The following SLC24A2 variants were observed in gnomAD, a reference collection of about 807,000 sequenced individuals.
The protein encoded by SLC24A2 is sodium/potassium/calcium exchanger 2.
Under a neutral mutation model 62.0 loss-of-function variants are expected in SLC24A2, and 36 were observed. The ratio of observed to expected loss-of-function variants is 0.58; its 90% CI spans 0.44 to 0.77. The LOEUF is 0.77. Among genes scored for constraint, SLC24A2 ranks in the 30% least tolerant of loss-of-function variants. SLC24A2 has a pLI of 0.00. For missense variants in SLC24A2, 846 were observed against 817.9 expected, an observed-to-expected ratio of 1.03 and a Z score of -0.42; for synonymous variants, 358 against 294.0, an observed-to-expected ratio of 1.22 and a Z score of -2.23.
rs763528419 is a variant in SLC24A2, at chr9:19,528,109, G to C, written c.1509C>G (p.Phe503Leu). 1 of 1,596,180 alleles carries C rather than the reference G, an allele frequency of 6.3e-7. No homozygotes were observed. The highest frequency in any genetic ancestry group is 1.7e-5 in the Admixed American group (1 of 57,684). ...PSSRKFFPIT[F>L]FGSITWIAVF... is the part of the protein sequence containing the mutation. ...CTGCAATCCAGGTAATGGAGCCAAA[G>C]AACGTGATGGGAAAAAACTTCCTCG... The change falls in exon 9 of 11, where the codon TTC becomes TTG. Residue 503 changes from phenylalanine to leucine, a missense_variant. Phe to Leu is a conservative substitution (Grantham distance 22, BLOSUM62 0). Transcript: ENST00000341998.
the SLC24A2 span, among the ~76,000 whole-genome samples, chr9:19,910,206 T>G: frequency 6.6e-6 from 1 of 152,112 alleles, no homozygotes; most frequent in East Asian, 1.9e-4. Context: ...CTTAAATTAG[T>G]GCCATCCTAT....
the SLC24A2 span, among the ~76,000 whole-genome samples, chr9:19,908,162 G>A: frequency 6.6e-6 from 1 of 152,270 alleles, no homozygotes; most frequent in South Asian, 2.1e-4. Flanking sequence ...GCAGAACAGA[G>A]CCCTCAGAAA....
At chr9:20,286,817 C>T in the SLC24A2 span, among the ~76,000 whole-genome samples, 3 of 152,180 alleles carry the variant, frequency 2.0e-5, no homozygotes, top group African/African-American at 4.8e-5. Flanking sequence ...GGATGCACTA[C>T]AGAGGAGGCC....
At chr9:19,939,002 A>G in the SLC24A2 span, among the ~76,000 whole-genome samples, 2 of 152,274 alleles carry the variant, frequency 1.3e-5, no homozygotes, top group African/African-American at 4.8e-5. Flanking sequence ...GGAAAAACTC[A>G]TAAGGTATCT....
chr9:20,297,774 AC>A, the SLC24A2 span, among the ~76,000 whole-genome samples: 3 of 152,032 alleles, frequency 2.0e-5, no homozygotes, highest in Admixed American at 6.5e-5. Context: ...TCCCAACCAA[AC>A]CTTTTTAGGT....
At chr9:20,287,144 A>G in the SLC24A2 span, among the ~76,000 whole-genome samples, 1 of 152,330 alleles carries the variant, frequency 6.6e-6, no homozygotes, top group South Asian at 2.1e-4. Flanking sequence ...ACCTGTATAA[A>G]TAAGCACAAA....
intron 3 of SLC24A2, 135 bp from the exon 4 acceptor site, chr9:19,619,827 A>G: frequency 1.4e-6 from 1 of 727,196 alleles, no homozygotes. Context: ...AGATTTTCAA[A>G]GCACATTTCA....
intron 2 of SLC24A2, among the ~76,000 whole-genome samples, chr9:19,746,837 G>C (rs1350496806): frequency 6.6e-6 from 1 of 152,094 alleles, no homozygotes; most frequent in Non-Finnish European, 1.5e-5. Flanking sequence ...CTTTGCAAAA[G>C]TGTTTTGAGT....
intron 2 of SLC24A2, chr9:19,705,338 G>T: frequency 6.5e-6 from 1 of 154,976 alleles, no homozygotes; most frequent in South Asian, 1.9e-4. Context: ...GTCCCAAACA[G>T]AACTGAAGAA....
rs1432045836 is a variant in SLC24A2 at position 19,734,746 on chromosome 9, T to A, written c.930+51191A>T. Among the ~76,000 whole-genome samples the A allele has an allele frequency of 2.0e-5, 3 of 151,962 alleles. No homozygotes were observed. In the East Asian group the frequency reaches 5.8e-4, roughly 30 times the overall value. ...ACATTGATTTTGTATCCCGAGACTTTGCTGAAGTTGCCTATCAGCTTAAGG... is the reference window on the plus strand; with the variant it reads ...ACATTGATTTTGTATCCCGAGACTTAGCTGAAGTTGCCTATCAGCTTAAGG... On this transcript the variant is annotated intron_variant, in intron 2 of 10. Coordinates refer to ENST00000341998, the MANE Select transcript of SLC24A2 (RefSeq NM_020344.4).
chr9:19,541,743 G>A (rs1834269083), intron 8 of SLC24A2, among the ~76,000 whole-genome samples: 1 of 148,886 alleles, frequency 6.7e-6, no homozygotes, highest in Non-Finnish European at 1.5e-5. Flanking sequence ...CCCAGTTCGA[G>A]CTTCCCGGCT....
intron 8 of SLC24A2, among the ~76,000 whole-genome samples, chr9:19,535,478 G>A (rs556312229): frequency 6.6e-5 from 10 of 152,182 alleles, no homozygotes; most frequent in African/African-American, 1.7e-4. Context: ...GGATTTTTAC[G>A]GTTTTAGGTC....
At chr9:19,860,310 C>T in the SLC24A2 span, among the ~76,000 whole-genome samples, 10 of 152,126 alleles carry the variant, frequency 6.6e-5, no homozygotes, top group Admixed American at 2.0e-4. Flanking sequence ...TTTCCAGGCC[C>T]TATCTCCCAG....
At chr9:19,557,918 C>A (rs1324657614) in intron 7 of SLC24A2, among the ~76,000 whole-genome samples, 3 of 151,712 alleles carry the variant, frequency 2.0e-5, no homozygotes, top group Admixed American at 2.0e-4. Context: ...TCCCTGGGCT[C>A]AAGCAATCCT....
intron 7 of SLC24A2, among the ~76,000 whole-genome samples, chr9:19,563,414 C>G (rs1038815994): frequency 1.3e-5 from 2 of 152,102 alleles, no homozygotes; most frequent in East Asian, 1.9e-4. Flanking sequence ...GCGACTTTCT[C>G]TTTGGAGGTT....
At chr9:20,217,680 T>C in the SLC24A2 span, among the ~76,000 whole-genome samples, 1 of 152,166 alleles carries the variant, frequency 6.6e-6, no homozygotes, top group Non-Finnish European at 1.5e-5. Flanking sequence ...AGAGACTCCA[T>C]TTGTTGTAAC....
the SLC24A2 span, among the ~76,000 whole-genome samples, chr9:19,900,409 T>G: frequency 6.6e-6 from 1 of 152,186 alleles, no homozygotes; most frequent in Non-Finnish European, 1.5e-5. Flanking sequence ...TGTTAATTTA[T>G]AATTAATTTC....
At chr9:20,085,325 C>T in the SLC24A2 span, among the ~76,000 whole-genome samples, 1 of 152,152 alleles carries the variant, frequency 6.6e-6, no homozygotes, top group Non-Finnish European at 1.5e-5. Flanking sequence ...ATTATTTTAG[C>T]TTAAGGCTTT....
the SLC24A2 span, among the ~76,000 whole-genome samples, chr9:19,876,372 G>GTGTA: frequency 3.7e-4 from 52 of 138,746 alleles, 1 homozygote; most frequent in Admixed American, 2.1e-4. Flanking sequence ...AGGCGTGTGT[G>GTGTA]TGTGTGTGTG....
Sources: gnomAD v4.1 joint callset for allele counts (sites outside exome capture counted in the v4.1 genomes callset) on GRCh38, gnomAD v4.1.1 for gene constraint, MANE v1.5 for transcripts, NCBI Gene and HGNC (gene_info 2026-07-23, HGNC 2026-07-21) for gene names.